KIAA1217: variants seen among roughly 807,000 people sequenced by gnomAD.
The protein encoded by KIAA1217 is KIAA1217.
In KIAA1217, 88 loss-of-function variants were observed where a neutral mutation model predicts 163.9. That is an observed-to-expected ratio of 0.54 (90% CI 0.45 to 0.64). The LOEUF (loss-of-function observed/expected upper bound fraction) is 0.64, where lower values mean the gene tolerates loss of function less well. KIAA1217 is among the 30% of genes least tolerant of loss of function. The probability of loss-of-function intolerance (pLI) is 0.00; values close to 1 mark genes in which losing one functional copy is unlikely to be tolerated. For missense variants in KIAA1217, 2,372 were observed against 2,475.0 expected (o/e 0.96, Z 0.88); for synonymous variants, 903 against 923.1 (o/e 0.98, Z 0.39).
intron 1 of KIAA1217, among the ~76,000 whole-genome samples, chr10:23,769,237 C>G (rs1015799806): frequency 9.2e-5 from 14 of 152,148 alleles, no homozygotes; most frequent in African/African-American, 2.9e-4. Flanking sequence ...TTGAAACTGT[C>G]TTGAAATGAG....
At chr10:23,837,103 C>T (rs1211670382) in intron 1 of KIAA1217, among the ~76,000 whole-genome samples, 1 of 152,136 alleles carries the variant, frequency 6.6e-6, no homozygotes, top group Non-Finnish European at 1.5e-5. Context: ...TAAGCGAGAA[C>T]ATGCCGTGTT....
chr10:24,391,465 C>G (rs539923438), intron 3 of KIAA1217, among the ~76,000 whole-genome samples: 64 of 151,078 alleles, frequency 4.2e-4, no homozygotes, highest in African/African-American at 1.6e-3. Context: ...GTGCTTCAGC[C>G]TCCTAAGTAG....
chr10:24,172,168 T>C (rs77160559), intron 2 of KIAA1217, among the ~76,000 whole-genome samples: 1 of 152,336 alleles, frequency 6.6e-6, no homozygotes, highest in East Asian at 1.9e-4. Flanking sequence ...ATTCTTGGTT[T>C]CTATTGAGAC....
intron 1 of KIAA1217, among the ~76,000 whole-genome samples, chr10:23,895,566 T>C (rs1841645729): frequency 6.6e-6 from 1 of 152,146 alleles, no homozygotes; most frequent in South Asian, 2.1e-4. Flanking sequence ...AGTTCAGCCA[T>C]TGTGGAAGTC....
At chr10:23,856,840 C>A (rs145053468) in intron 1 of KIAA1217, among the ~76,000 whole-genome samples, 3,698 of 152,312 alleles carry the variant, frequency 0.024, 169 homozygotes, top group African/African-American at 0.084. Context: ...TCTCCTGGTG[C>A]GCCTTTTTTT....
rs1181904485 is a variant in KIAA1217 at position 24,531,730 on chromosome 10, A to G, written c.3083-100A>G. On this transcript the variant is annotated intron_variant, in intron 14 of 20. Coordinates refer to ENST00000376454, the MANE Select transcript of KIAA1217 (RefSeq NM_019590.5). ...CCTTGCTCTATGGAGAGAACAGAAA[A>G]TTTTTAAATCAGATTGCATTGGGTT... is the stretch of plus-strand genomic sequence containing the variant. 2.4e-6 allele frequency: 3 copies of G among 1,235,216 alleles called. No individual in the cohort carries two copies. In the East Asian group the frequency reaches 8.0e-5, roughly 33 times the overall value. 76.5% of individuals were successfully genotyped at this position (1,235,216 alleles called of 1,614,324 possible). A position where few individuals can be genotyped will look rare whatever the true frequency, so the allele number is the denominator to read the frequency against.
chr10:23,704,172 G>GTATGTATA (rs1836711566), intron 1 of KIAA1217, among the ~76,000 whole-genome samples: 1 of 39,926 alleles, frequency 2.5e-5, no homozygotes, highest in African/African-American at 1.3e-4. Flanking sequence ...GTGTGTGTGT[G>GTATGTATA]TATATATATA....
At chr10:24,211,688 T>C (rs1320549280) in intron 1 of KIAA1217, among the ~76,000 whole-genome samples, 1 of 151,714 alleles carries the variant, frequency 6.6e-6, no homozygotes, top group Admixed American at 6.6e-5. Flanking sequence ...GGTGCTGTAT[T>C]GAGCACAATC....
chr10:23,772,668 A>G (rs113836794), intron 1 of KIAA1217, among the ~76,000 whole-genome samples: 1 of 152,162 alleles, frequency 6.6e-6, no homozygotes, highest in Non-Finnish European at 1.5e-5. Flanking sequence ...AGGAATGAAC[A>G]CTCCGCGAAC....
intron 2 of KIAA1217, among the ~76,000 whole-genome samples, chr10:24,366,100 T>C (rs2050742581): frequency 6.6e-6 from 1 of 152,196 alleles, no homozygotes; most frequent in Admixed American, 6.5e-5. Flanking sequence ...ATTTTCATTT[T>C]TTAAGTCACA....
At chr10:24,315,717 A>C (rs60017811) in intron 2 of KIAA1217, among the ~76,000 whole-genome samples, 13,693 of 151,876 alleles carry the variant, frequency 0.09, 809 homozygotes, top group East Asian at 0.2. Flanking sequence ...GTGCCACTGC[A>C]TGCTAGCCTA....
chr10:24,412,051 G>A (rs528023262), intron 3 of KIAA1217, among the ~76,000 whole-genome samples: 2 of 152,180 alleles, frequency 1.3e-5, no homozygotes, highest in South Asian at 2.1e-4. Context: ...TACCTGTGCT[G>A]CCAGAATCAT....
At chr10:23,786,165 C>T (rs1835485369) in intron 1 of KIAA1217, among the ~76,000 whole-genome samples, 2 of 152,078 alleles carry the variant, frequency 1.3e-5, no homozygotes, top group South Asian at 4.1e-4. Flanking sequence ...GGGGGAAGTT[C>T]TTATGGGACT....
At chr10:24,298,118 G>T (rs74230818) in intron 2 of KIAA1217, among the ~76,000 whole-genome samples, 1,528 of 152,206 alleles carry the variant, frequency 0.01, 29 homozygotes, top group East Asian at 0.083. Context: ...CATTTCAATT[G>T]AGAGGATACT....
chr10:24,249,977 C>T (rs539918158), intron 2 of KIAA1217, among the ~76,000 whole-genome samples: 5 of 152,282 alleles, frequency 3.3e-5, no homozygotes, highest in South Asian at 2.1e-4. Context: ...TTCTTGCCTC[C>T]GTGGCCTGAA....
At chr10:24,461,292 T>C (rs191924993) in intron 5 of KIAA1217, among the ~76,000 whole-genome samples, 199 of 152,314 alleles carry the variant, frequency 1.3e-3, no homozygotes, top group African/African-American at 4.5e-3. Context: ...TTCATATCTG[T>C]CCTTTAAACT....
intron 5 of KIAA1217, among the ~76,000 whole-genome samples, chr10:24,452,106 G>A (rs373139673): frequency 2.6e-5 from 4 of 152,116 alleles, no homozygotes; most frequent in African/African-American, 9.6e-5. Flanking sequence ...CTTTTAAAAA[G>A]AAAAAAGTGT....
At chr10:23,930,901 G>A (rs1358951875) in intron 1 of KIAA1217, among the ~76,000 whole-genome samples, 2 of 152,054 alleles carry the variant, frequency 1.3e-5, no homozygotes, top group Non-Finnish European at 2.9e-5. Context: ...TTCCTCACGT[G>A]TGCCTCCCCT....
At chr10:23,909,502 C>T (rs1473474751) in intron 1 of KIAA1217, among the ~76,000 whole-genome samples, 1 of 151,150 alleles carries the variant, frequency 6.6e-6, no homozygotes, top group Non-Finnish European at 1.5e-5. Context: ...AAATGCATAC[C>T]TTCCGAATCT....
Sources: gnomAD v4.1 joint callset for allele counts (sites outside exome capture counted in the v4.1 genomes callset) on GRCh38, gnomAD v4.1.1 for gene constraint, MANE v1.5 for transcripts, NCBI Gene and HGNC (gene_info 2026-07-23, HGNC 2026-07-21) for gene names.